Variants in MZT1 observed in about 807,000 individuals in gnomAD.
MZT1 encodes mitotic-spindle organizing protein 1.
MZT1 carries 8 observed loss-of-function variants against 8.5 expected under a neutral mutation model. That is an observed-to-expected ratio of 0.94 (90% CI 0.55 to 1.70). The LOEUF (loss-of-function observed/expected upper bound fraction) is 1.70. MZT1 is among the 40% of genes most tolerant of loss of function. The pLI, the probability that MZT1 is intolerant of heterozygous loss-of-function variation, is 0.00. For synonymous variants in MZT1, 38 were observed against 42.0 expected, an observed-to-expected ratio of 0.90 and a Z score of 0.37; for missense variants, 93 against 108.6, an observed-to-expected ratio of 0.86 and a Z score of 0.64.
At chr13:72,719,441 A>G (rs2138013803) in intron 1 of MZT1, among the ~76,000 whole-genome samples, 1 of 152,280 alleles carries the variant, frequency 6.6e-6, no homozygotes, top group African/African-American at 2.4e-5. Context: ...CTAGTCGCAT[A>G]TTATTCCATT....
intron 2 of MZT1, among the ~76,000 whole-genome samples, chr13:72,716,132 T>A (rs182167883): frequency 1.6e-3 from 239 of 152,252 alleles, no homozygotes; most frequent in African/African-American, 5.5e-3. Context: ...GCCAGGCTGG[T>A]CTTGAACTCC....
chr13:72,715,293 G>A (rs1159262988), intron 2 of MZT1, among the ~76,000 whole-genome samples: 2 of 152,186 alleles, frequency 1.3e-5, no homozygotes, highest in East Asian at 3.9e-4. Context: ...TTTGGGATGG[G>A]AATGTTTACC....
chr13:72,720,794 A>T (rs2032585681), intron 1 of MZT1, among the ~76,000 whole-genome samples: 1 of 152,238 alleles, frequency 6.6e-6, no homozygotes. Context: ...AGACTGAGGC[A>T]GGAGAATCGC....
intron 2 of MZT1, 80 bp from the exon 3 acceptor site, chr13:72,710,425 C>T: frequency 2.4e-6 from 3 of 1,251,482 alleles, no homozygotes; most frequent in Admixed American, 1.8e-5. Context: ...CAATACTGCA[C>T]TGTCATTAAC....
intron 1 of MZT1, among the ~76,000 whole-genome samples, chr13:72,724,569 A>C (rs1389480945): frequency 3.8e-5 from 5 of 131,332 alleles, no homozygotes; most frequent in African/African-American, 1.4e-4. Flanking sequence ...GATGGAGTCT[A>C]GCTCTGTCAC....
intron 2 of MZT1, among the ~76,000 whole-genome samples, chr13:72,715,770 A>G (rs2032529322): frequency 6.6e-6 from 1 of 152,092 alleles, no homozygotes; most frequent in South Asian, 2.1e-4. Flanking sequence ...GCCATGTGAC[A>G]TGCCTTCTCC....
chr13:72,726,619 AAAG>A (rs1376098176), intron 1 of MZT1, among the ~76,000 whole-genome samples: 2 of 152,140 alleles, frequency 1.3e-5, no homozygotes, highest in Non-Finnish European at 2.9e-5. Context: ...GGAGACAAAG[AAAG>A]AAGACTACAA....
At chr13:72,718,931 G>C in intron 2 of MZT1, 21 bp downstream of exon 2, 1 of 1,552,270 alleles carries the variant, frequency 6.4e-7, no homozygotes, top group South Asian at 1.2e-5. Flanking sequence ...TATTTAGAAT[G>C]AACTAATAGG....
chr13:72,724,463 G>A (rs2032620308), intron 1 of MZT1, among the ~76,000 whole-genome samples: 2 of 150,444 alleles, frequency 1.3e-5, no homozygotes, highest in Non-Finnish European at 3.0e-5. Flanking sequence ...GGACTGTTTC[G>A]CTGGTACTGC....
chr13:72,722,948 C>A (rs1483928725), intron 1 of MZT1, among the ~76,000 whole-genome samples: 1 of 152,168 alleles, frequency 6.6e-6, no homozygotes, highest in Non-Finnish European at 1.5e-5. Context: ...ACTGTCTTCA[C>A]AAATGGATTC....
chr13:72,719,159 A>G, intron 1 of MZT1, 62 bp from the exon 2 acceptor site: 1 of 1,302,522 alleles, frequency 7.7e-7, no homozygotes, highest in Non-Finnish European at 1.0e-6. Context: ...ATATGCATAT[A>G]GTACTTTCAT....
chr13:72,716,891 T>C (rs2032540364), intron 2 of MZT1, among the ~76,000 whole-genome samples: 1 of 152,192 alleles, frequency 6.6e-6, no homozygotes, highest in African/African-American at 2.4e-5. Context: ...GAGTCACTTT[T>C]TCCTTTTCTT....
In MZT1 at chr13:72,719,018, T is replaced by C. The variant is rs1428046066; in HGVS notation, c.159A>G (p.Gln53=). 6.3e-7 allele frequency: 1 copy of C among 1,598,584 alleles called. No individual in the cohort carries two copies. Among genetic ancestry groups the C allele is most frequent in the Non-Finnish European group, 8.5e-7 (1 of 1,174,542 alleles). Reference sequence around the variant, plus strand: ...ATGATAAAGCTTCTGGGTTAATTCCTTGTTCACAAAGCCGTACACAAATAG... The same window carrying C: ...ATGATAAAGCTTCTGGGTTAATTCCCTGTTCACAAAGCCGTACACAAATAG... The part of the protein sequence containing the change: ...TLSICVRLCE[Q]GINPEALSSV... The change falls in exon 2 of 3, where the codon CAA becomes CAG. Residue 53 remains glutamine, a synonymous_variant. Transcript: ENST00000377818.
intron 1 of MZT1, among the ~76,000 whole-genome samples, chr13:72,722,045 G>T (rs1432915160): frequency 1.3e-5 from 2 of 152,134 alleles, no homozygotes; most frequent in Non-Finnish European, 1.5e-5. Flanking sequence ...TATTTATAGT[G>T]ACAAATTTCA....
chr13:72,721,785 T>C (rs2032596019), intron 1 of MZT1, among the ~76,000 whole-genome samples: 1 of 152,290 alleles, frequency 6.6e-6, no homozygotes, highest in Middle Eastern at 3.4e-3. Flanking sequence ...TTTACCTGAG[T>C]TTTCTTGGTT....
chr13:72,724,752 A>ATATATATATATATGTGTGTG (rs1180726488), intron 1 of MZT1, among the ~76,000 whole-genome samples: 9 of 56,892 alleles, frequency 1.6e-4, no homozygotes, highest in Non-Finnish European at 2.6e-4. Flanking sequence ...ACATATATAT[A>ATATATATATATATGTGTGTG]TGTAAAGTGG....
chr13:72,715,481 G>A (rs527760398), intron 2 of MZT1, among the ~76,000 whole-genome samples: 2 of 152,142 alleles, frequency 1.3e-5, no homozygotes, highest in African/African-American at 2.4e-5. Flanking sequence ...AATGTGAGAA[G>A]AACACATGAG....
chr13:72,719,776 T>C (rs1259851819), intron 1 of MZT1, among the ~76,000 whole-genome samples: 1 of 152,236 alleles, frequency 6.6e-6, no homozygotes, highest in Admixed American at 6.5e-5. Flanking sequence ...ATTTGTATAG[T>C]ACTGCATTTT....
At chr13:72,725,716 G>C (rs958014671) in intron 1 of MZT1, among the ~76,000 whole-genome samples, 1 of 151,966 alleles carries the variant, frequency 6.6e-6, no homozygotes, top group Non-Finnish European at 1.5e-5. Context: ...CAAACCATCA[G>C]TTCTCAATTG....
Sources: gnomAD v4.1 joint callset for allele counts (sites outside exome capture counted in the v4.1 genomes callset) on GRCh38, gnomAD v4.1.1 for gene constraint, MANE v1.5 for transcripts, NCBI Gene and HGNC (gene_info 2026-07-23, HGNC 2026-07-21) for gene names.